Variants in RBFOX1 observed in about 807,000 individuals in gnomAD.
RBFOX1 encodes the protein RNA binding protein fox-1 homolog 1.
Under a neutral mutation model 57.7 loss-of-function variants are expected in RBFOX1, and 8 were observed. The observed-to-expected ratio is 0.14, with a 90% confidence interval of 0.08 to 0.25. The LOEUF is 0.25. Ranked by LOEUF, RBFOX1 falls within the 10% of genes least tolerant of loss-of-function variation. The pLI, the probability that RBFOX1 is intolerant of heterozygous loss-of-function variation, is 1.00. For synonymous variants in RBFOX1, 326 were observed against 222.4 expected (o/e 1.47, Z -4.15); for missense variants, 611 against 548.5 (o/e 1.11, Z -1.14).
At chr16:6,934,507 C>A (rs1453316824) in intron 3 of RBFOX1, among the ~76,000 whole-genome samples, 5 of 151,982 alleles carry the variant, frequency 3.3e-5, no homozygotes, top group African/African-American at 9.7e-5. Flanking sequence ...GGACAAAGAA[C>A]ATGTGGTATA....
At chr16:7,230,871 A>G (rs377379543) in intron 4 of RBFOX1, among the ~76,000 whole-genome samples, 8 of 152,280 alleles carry the variant, frequency 5.3e-5, no homozygotes, top group African/African-American at 1.4e-4. Context: ...TTCCTGGACT[A>G]TAGTTCCTCA....
At chr16:5,477,127 A>T (rs1056614835) in intron 2 of RBFOX1, among the ~76,000 whole-genome samples, 5 of 152,154 alleles carry the variant, frequency 3.3e-5, no homozygotes, top group African/African-American at 1.2e-4. Flanking sequence ...GATACCTCCC[A>T]CCTTAGCCTC....
chr16:7,428,099 T>C (rs1443909160), intron 4 of RBFOX1, among the ~76,000 whole-genome samples: 3 of 152,284 alleles, frequency 2.0e-5, no homozygotes, highest in Non-Finnish European at 4.4e-5. Context: ...CCCAGCTGCA[T>C]TTGTCATTTC....
chr16:6,540,292 A>C (rs1435484002), intron 2 of RBFOX1, among the ~76,000 whole-genome samples: 1 of 142,126 alleles, frequency 7.0e-6, no homozygotes, highest in East Asian at 2.1e-4. Context: ...GATAGCCATC[A>C]TATAAGCTGG....
intron 2 of RBFOX1, among the ~76,000 whole-genome samples, chr16:5,542,351 C>G (rs894151119): frequency 3.1e-4 from 47 of 150,026 alleles, no homozygotes; most frequent in Non-Finnish European, 5.8e-4. Flanking sequence ...CGGGTTCAAG[C>G]AATTCTCCTA....
At chr16:5,557,881 C>G in intron 2 of RBFOX1, among the ~76,000 whole-genome samples, 1 of 152,292 alleles carries the variant, frequency 6.6e-6, no homozygotes, top group Non-Finnish European at 1.5e-5. Flanking sequence ...CCTTAGTGGC[C>G]ACACCGACAA....
chr16:5,760,141 G>A (rs755908769), intron 3 of RBFOX1, among the ~76,000 whole-genome samples: 2 of 151,982 alleles, frequency 1.3e-5, no homozygotes, highest in Non-Finnish European at 2.9e-5. Context: ...ACCTGACTTT[G>A]TTAGGGTGAC....
chr16:5,463,697 G>C (rs545604717), intron 1 of RBFOX1, among the ~76,000 whole-genome samples: 2 of 152,016 alleles, frequency 1.3e-5, no homozygotes, highest in South Asian at 4.2e-4. Flanking sequence ...CTACTCGGGA[G>C]GCTGAGGCAG....
intron 3 of RBFOX1, among the ~76,000 whole-genome samples, chr16:6,875,434 C>T (rs1468922209): frequency 2.0e-5 from 3 of 152,154 alleles, no homozygotes; most frequent in Admixed American, 6.6e-5. Context: ...TGTGTGGCTT[C>T]TTCCCAGGAC....
rs1003427512 is a variant in RBFOX1, at chr16:6,767,515, T to G, written c.-16+112865T>G. On this transcript the variant is annotated intron_variant, in intron 3 of 15. Coordinates refer to ENST00000550418, the MANE Select transcript of RBFOX1 (RefSeq NM_018723.4). ...GCTTAAGCCAATTTGAGCCAGTGTT[T>G]TAATTTAAAACCTCACCCCCAAAAA... 2.6e-5 allele frequency among the ~76,000 whole-genome samples: 4 copies of G among 152,158 alleles called. No individual in the cohort carries two copies. In the South Asian group the frequency reaches 8.3e-4, roughly 32 times the overall value.
At chr16:6,872,522 T>G (rs1241707452) in intron 3 of RBFOX1, among the ~76,000 whole-genome samples, 1 of 152,192 alleles carries the variant, frequency 6.6e-6, no homozygotes, top group Non-Finnish European at 1.5e-5. Flanking sequence ...GATTTTCTTA[T>G]TTGAAAGTCT....
At chr16:6,819,705 CAAAAA>C (rs1181614275) in intron 3 of RBFOX1, among the ~76,000 whole-genome samples, 3 of 20,626 alleles carry the variant, frequency 1.5e-4, no homozygotes, top group Admixed American at 1.6e-3. Context: ...AACTCTGACT[CAAAAA>C]AAAAAAAAAA....
At chr16:6,639,891 CAA>C (rs1310691448) in intron 2 of RBFOX1, among the ~76,000 whole-genome samples, 1 of 151,880 alleles carries the variant, frequency 6.6e-6, no homozygotes, top group African/African-American at 2.4e-5. Context: ...AAACAAAAAA[CAA>C]AAAACAAAAC....
chr16:6,197,005 A>G (rs1046281322), intron 1 of RBFOX1, among the ~76,000 whole-genome samples: 1 of 152,214 alleles, frequency 6.6e-6, no homozygotes, highest in Non-Finnish European at 1.5e-5. Context: ...GTGGAATAAA[A>G]AAGAAGAAAG....
At chr16:6,203,960 C>T (rs1334232057) in intron 1 of RBFOX1, among the ~76,000 whole-genome samples, 1 of 150,070 alleles carries the variant, frequency 6.7e-6, no homozygotes, top group African/African-American at 2.5e-5. Context: ...GTTGGTGGCT[C>T]TGCCAGTTCT....
chr16:7,613,374 A>G (rs1267533329), intron 10 of RBFOX1, among the ~76,000 whole-genome samples: 1 of 152,210 alleles, frequency 6.6e-6, no homozygotes, highest in Non-Finnish European at 1.5e-5. Context: ...ATCAGATAAT[A>G]TGAGCATCAG....
chr16:6,541,910 T>C (rs1435061570), intron 2 of RBFOX1, among the ~76,000 whole-genome samples: 2 of 152,126 alleles, frequency 1.3e-5, no homozygotes, highest in African/African-American at 2.4e-5. Context: ...GCAGGTAGTG[T>C]TCACTGCTTT....
At chr16:7,001,996 A>G (rs1302101868) in intron 3 of RBFOX1, among the ~76,000 whole-genome samples, 2 of 152,094 alleles carry the variant, frequency 1.3e-5, no homozygotes, top group Admixed American at 6.5e-5. Context: ...CCTGGTGTTT[A>G]GAGTGACAGT....
intron 2 of RBFOX1, among the ~76,000 whole-genome samples, chr16:6,331,787 A>G (rs923615059): frequency 6.6e-6 from 1 of 150,738 alleles, no homozygotes; most frequent in South Asian, 2.1e-4. Context: ...AAAAAATTGT[A>G]TTTATTTGTG....
Sources: allele counts gnomAD v4.1 joint callset (sites outside exome capture counted in the v4.1 genomes callset), GRCh38; gene constraint gnomAD v4.1.1; transcripts MANE v1.5; gene names NCBI Gene and HGNC (gene_info 2026-07-23, HGNC 2026-07-21).